SATB1: variants seen among roughly 807,000 people sequenced by gnomAD.
The protein encoded by SATB1 is SATB homeobox 1.
A neutral mutation model predicts 86.9 loss-of-function variants in SATB1; 11 were observed. The ratio of observed to expected loss-of-function variants is 0.13; its 90% CI spans 0.08 to 0.21. SATB1 has a LOEUF of 0.21. SATB1 is among the 10% of genes least tolerant of loss of function. The probability of loss-of-function intolerance (pLI) is 1.00; values close to 1 mark genes in which losing one functional copy is unlikely to be tolerated. For missense variants in SATB1, 551 were observed against 937.6 expected, an observed-to-expected ratio of 0.59 and a Z score of 5.39; for synonymous variants, 357 against 357.2, an observed-to-expected ratio of 1.00 and a Z score of 0.01.
intron 8 of SATB1, among the ~76,000 whole-genome samples, chr3:18,379,181 A>G (rs968242032): frequency 2.0e-5 from 3 of 152,240 alleles, no homozygotes; most frequent in African/African-American, 7.2e-5. Context: ...TCGGCAGTAA[A>G]ATGCCACAAA....
At chr3:18,373,341 G>A (rs538916624) in intron 9 of SATB1, among the ~76,000 whole-genome samples, 16 of 152,270 alleles carry the variant, frequency 1.1e-4, no homozygotes, top group Middle Eastern at 3.4e-3. Context: ...TTGTAGCAAA[G>A]TCTGTTATAT....
intron 2 of SATB1, among the ~76,000 whole-genome samples, chr3:18,433,345 C>A (rs1043503427): frequency 6.6e-6 from 1 of 152,016 alleles, no homozygotes. Context: ...AAATTGTCTA[C>A]ATAAAAAGAC....
At chr3:18,433,537 G>A (rs1698959777) in intron 2 of SATB1, among the ~76,000 whole-genome samples, 1 of 151,720 alleles carries the variant, frequency 6.6e-6, no homozygotes, top group Non-Finnish European at 1.5e-5. Flanking sequence ...CTATTCCTAT[G>A]GATTTTATAT....
At chr3:18,398,158 A>T (rs1386118748) in intron 5 of SATB1, among the ~76,000 whole-genome samples, 1 of 152,200 alleles carries the variant, frequency 6.6e-6, no homozygotes, top group Non-Finnish European at 1.5e-5. Flanking sequence ...TCAGCCCTTT[A>T]ACATACAAAA....
chr3:18,364,400 G>T (rs928117781), intron 9 of SATB1, among the ~76,000 whole-genome samples: 4 of 151,946 alleles, frequency 2.6e-5, no homozygotes, highest in Non-Finnish European at 4.4e-5. Context: ...ATTTTATAGT[G>T]ATGGGCATAA....
upstream of SATB1, among the ~76,000 whole-genome samples, chr3:18,427,279 A>G (rs1359994): frequency 0.027 from 4,136 of 152,324 alleles, 255 homozygotes; most frequent in East Asian, 0.26. Context: ...AATGCCTGAC[A>G]TGTTTCCCTG....
chr3:18,429,206 G>A (rs550908911), upstream of SATB1, among the ~76,000 whole-genome samples: 3 of 152,248 alleles, frequency 2.0e-5, no homozygotes, highest in East Asian at 3.9e-4. This position sits in a 1 kb window ranked among gnomAD's most constrained non-coding sequence, Gnocchi z 4.1. Flanking sequence ...TGAGCCATAT[G>A]TTTTGCTGTC....
In SATB1 at chr3:18,347,417, T is replaced by A. The variant is rs1694110626; in HGVS notation, c.*1753A>T. The stretch of plus-strand genomic sequence containing the variant: ...AAATACCAGGTGTGTTATTCCTATT[T>A]TCTTCATGTAGCTCTTATAGTTATG... On this transcript the variant is annotated 3_prime_UTR_variant, in exon 11 of 11. Coordinates refer to ENST00000338745, the MANE Select transcript of SATB1 (RefSeq NM_002971.6). The A allele has an allele frequency of 6.6e-6, 1 of 152,152 alleles. No individual in the cohort carries two copies. The highest frequency in any genetic ancestry group is 2.4e-5 in the African/African-American group (1 of 41,418). The allele number at this position is 152,152 out of a possible 1,614,324, so 9.4% of individuals were successfully genotyped here. A position where few individuals can be genotyped will look rare whatever the true frequency, so the allele number is the denominator to read the frequency against.
At chr3:18,408,515 C>T (rs17044438) in intron 5 of SATB1, among the ~76,000 whole-genome samples, 2,092 of 152,008 alleles carry the variant, frequency 0.014, 50 homozygotes, top group African/African-American at 0.048. Flanking sequence ...CCAGAGCGTT[C>T]CTTACTTCAA....
At chr3:18,409,384 C>T (rs1697712933) in intron 5 of SATB1, 2 of 151,994 alleles carry the variant, frequency 1.3e-5, no homozygotes, top group Admixed American at 1.3e-4. Flanking sequence ...GAGGACAATT[C>T]TGTTGTAGAT....
At chr3:18,418,442 G>A (rs35481776) in intron 2 of SATB1, among the ~76,000 whole-genome samples, 5,255 of 152,142 alleles carry the variant, frequency 0.035, 110 homozygotes, top group Non-Finnish European at 0.055. Context: ...AACCCTTTAG[G>A]TTTACTTAGA....
At position 18,345,892 on chromosome 3, in the gene SATB1, T is replaced by TTTAA. The variant is rs1004022107; in HGVS notation, c.*3274_*3277dup. On this transcript the variant is annotated 3_prime_UTR_variant, in exon 11 of 11. Coordinates refer to ENST00000338745, the MANE Select transcript of SATB1 (RefSeq NM_002971.6). Reference sequence around the variant, plus strand: ...GCTAACAATTGGGAATAGGGCAGAATTTAATAATGGAATGTATGGGATTCT... The same window carrying TTTAA: ...GCTAACAATTGGGAATAGGGCAGAATTTAATTAATAATGGAATGTATGGGATTCT... 1.3e-5 allele frequency: 2 copies of TTTAA among 152,128 alleles called. No homozygotes were observed. Among genetic ancestry groups the TTTAA allele is most frequent in the African/African-American group, 4.8e-5 (2 of 41,452 alleles). 9.4% of individuals were successfully genotyped at this position (152,128 alleles called of 1,614,324 possible). A position where few individuals can be genotyped will look rare whatever the true frequency, so the allele number is the denominator to read the frequency against.
chr3:18,430,430 T>G (rs1018730048), intron 2 of SATB1, among the ~76,000 whole-genome samples: 2 of 152,222 alleles, frequency 1.3e-5, no homozygotes, highest in African/African-American at 4.8e-5. Context: ...CTGTAATACA[T>G]TTTAAGTAAT....
chr3:18,357,141 TC>T (rs747778014), intron 9 of SATB1, among the ~76,000 whole-genome samples: 6 of 151,818 alleles, frequency 4.0e-5, no homozygotes, highest in Non-Finnish European at 8.9e-5. Flanking sequence ...CTGTATTTAT[TC>T]CCCCTCACCC....
At chr3:18,422,336 T>C (rs1241096804) in intron 1 of SATB1, among the ~76,000 whole-genome samples, 1 of 152,212 alleles carries the variant, frequency 6.6e-6, no homozygotes, top group Non-Finnish European at 1.5e-5. Flanking sequence ...GCCTACTTCT[T>C]ACCATATAAT....
chr3:18,384,018 G>C (rs1696193070), intron 8 of SATB1, among the ~76,000 whole-genome samples: 1 of 152,066 alleles, frequency 6.6e-6, no homozygotes. Context: ...CAGTAATACT[G>C]CAGTAATAGA....
intron 6 of SATB1, 142 bp downstream of exon 6, chr3:18,397,037 C>T: frequency 1.6e-6 from 1 of 613,042 alleles, no homozygotes; most frequent in Non-Finnish European, 3.0e-6. Context: ...TATACTCATA[C>T]CCACTTCCCA....
At chr3:18,423,153 T>A (rs1698477899) in intron 1 of SATB1, among the ~76,000 whole-genome samples, 1 of 152,218 alleles carries the variant, frequency 6.6e-6, no homozygotes, top group Non-Finnish European at 1.5e-5. Flanking sequence ...AGGAACTAAC[T>A]ATGGTCTCAA....
intron 2 of SATB1, 71 bp downstream of exon 2, chr3:18,420,686 C>A (rs943547686): frequency 2.5e-6 from 3 of 1,219,970 alleles, no homozygotes; most frequent in Non-Finnish European, 2.4e-6. Context: ...GCCACTCCAC[C>A]CCCACACAGT....
Sources: allele counts gnomAD v4.1 joint callset (sites outside exome capture counted in the v4.1 genomes callset), GRCh38; gene constraint gnomAD v4.1.1; non-coding constraint Gnocchi (gnomAD v3.1); transcripts MANE v1.5; gene names NCBI Gene and HGNC (gene_info 2026-07-23, HGNC 2026-07-21).